Variants in SFT2D2 observed in about 807,000 individuals in gnomAD.
The protein encoded by SFT2D2 is SFT2 domain containing 2.
SFT2D2 carries 21 observed loss-of-function variants against 27.4 expected under a neutral mutation model. The observed-to-expected ratio is 0.77, with a 90% CI of 0.54 to 1.10. The LOEUF is 1.10. Among genes scored for constraint, SFT2D2 ranks in the 50% least tolerant of loss-of-function variants. SFT2D2 has a pLI of 0.00. For synonymous variants in SFT2D2, 72 were observed against 71.7 expected, an observed-to-expected ratio of 1.00 and a Z score of -0.02; for missense variants, 187 against 194.2, an observed-to-expected ratio of 0.96 and a Z score of 0.22.
chr1:168,227,682 C>T (rs1700475594), intron 1 of SFT2D2, among the ~76,000 whole-genome samples: 1 of 151,992 alleles, frequency 6.6e-6, no homozygotes, highest in African/African-American at 2.4e-5. Context: ...AACCTCAGAC[C>T]GGGCCTAAGA....
chr1:168,241,654 C>T (rs1328205533), intron 7 of SFT2D2, among the ~76,000 whole-genome samples: 3 of 152,136 alleles, frequency 2.0e-5, no homozygotes, highest in Admixed American at 6.5e-5. Flanking sequence ...TAGATCCTTC[C>T]ATATGCTATG....
In SFT2D2 at chr1:168,247,028, C is replaced by A. The variant is rs766554483; in HGVS notation, c.*4488C>A. 2 of 479,660 alleles carry A rather than the reference C, an allele frequency of 4.2e-6. No individual in the cohort carries two copies. Among genetic ancestry groups the A allele is most frequent in the African/African-American group, 4.1e-5 (2 of 49,236 alleles). 29.7% of individuals were successfully genotyped at this position (479,660 alleles called of 1,614,324 possible). A position where few individuals can be genotyped will look rare whatever the true frequency, so the allele number is the denominator to read the frequency against. On this transcript the variant is annotated 3_prime_UTR_variant, in exon 8 of 8. Transcript: ENST00000271375. Reference sequence around the variant, plus strand: ...CATGACTATCAGAAATCTCAAACTGCAGAGTTCTTGTTCCCATTCAAGTTT... The same window carrying A: ...CATGACTATCAGAAATCTCAAACTGAAGAGTTCTTGTTCCCATTCAAGTTT...
In SFT2D2 at chr1:168,247,107, AG is replaced by A. The variant is rs946036875; in HGVS notation, c.*4568del. On this transcript the variant is annotated 3_prime_UTR_variant, in exon 8 of 8. Coordinates refer to ENST00000271375, the MANE Select transcript of SFT2D2 (RefSeq NM_199344.3). ...CAGATAGTCTCTTTTGTAGTACACT[AG>A]TCTTTTTCATTTTTTAATTTTTACT... 3.2e-5 allele frequency: 10 copies of A among 311,882 alleles called. No individual in the cohort carries two copies. The highest frequency in any genetic ancestry group is 2.2e-4 in the African/African-American group (10 of 44,572). The allele number at this position is 311,882 out of a possible 1,614,324, so 19.3% of individuals were successfully genotyped here.
chr1:168,242,591 T>C lies in SFT2D2; in HGVS notation c.*51T>C, dbSNP rs757485311. 2 of 1,605,140 alleles carry C rather than the reference T, an allele frequency of 1.2e-6. No individual in the cohort carries two copies. Among genetic ancestry groups the C allele is most frequent in the Non-Finnish European group, 1.7e-6 (2 of 1,171,936 alleles). ...GGAAGGCACTATGGACAGAAGCTGG[T>C]GGACAGTTTTGTAACTATCTTCGAA... is the stretch of plus-strand genomic sequence containing the variant. On this transcript the variant is annotated 3_prime_UTR_variant, in exon 8 of 8. Coordinates refer to ENST00000271375, the MANE Select transcript of SFT2D2 (RefSeq NM_199344.3).
chr1:168,230,860 TC>T (rs1180890568), intron 1 of SFT2D2, among the ~76,000 whole-genome samples: 5 of 152,086 alleles, frequency 3.3e-5, no homozygotes, highest in Admixed American at 1.3e-4. Context: ...ACTCCTGGCT[TC>T]CCCTGAACTT....
At chr1:168,229,132 G>A (rs76294838) in intron 1 of SFT2D2, among the ~76,000 whole-genome samples, 4 of 152,146 alleles carry the variant, frequency 2.6e-5, no homozygotes, top group African/African-American at 9.7e-5. Context: ...TGGATATGGA[G>A]TGTCACTTTC....
At chr1:168,236,523 A>G (rs1647503689) in intron 4 of SFT2D2, 66 bp from the exon 5 acceptor site, 1 of 1,495,160 alleles carries the variant, frequency 6.7e-7, no homozygotes, top group African/African-American at 1.4e-5. Flanking sequence ...GAAGAATAAC[A>G]AGTTTTGAGT....
chr1:168,236,455 G>T, intron 4 of SFT2D2, 134 bp from the exon 5 acceptor site: 1 of 735,840 alleles, frequency 1.4e-6, no homozygotes, highest in Non-Finnish European at 2.2e-6. Context: ...GCCAAATATG[G>T]GTGCTCAGGT....
chr1:168,242,786 C>G lies in SFT2D2; in HGVS notation c.*246C>G. 1 of 517,662 alleles carries G rather than the reference C, an allele frequency of 1.9e-6. No individual in the cohort carries two copies. Among genetic ancestry groups the G allele is most frequent in the Non-Finnish European group, 3.5e-6 (1 of 284,748 alleles). 32.1% of individuals were successfully genotyped at this position (517,662 alleles called of 1,614,324 possible). Reference sequence around the variant, plus strand: ...TGTGGAGTGGAATCTTCCTCATGTACCTGTTTCCTCTCTGGATGTTGTCCC... The same window carrying G: ...TGTGGAGTGGAATCTTCCTCATGTAGCTGTTTCCTCTCTGGATGTTGTCCC... On this transcript the variant is annotated 3_prime_UTR_variant, in exon 8 of 8. Transcript: ENST00000271375.
chr1:168,249,099 G>C lies in SFT2D2; in HGVS notation c.*6559G>C, dbSNP rs1238467462. 2 of 151,678 alleles carry C rather than the reference G, an allele frequency of 1.3e-5. No homozygotes were observed. The highest frequency in any genetic ancestry group is 4.8e-5 in the African/African-American group (2 of 41,274). The allele number at this position is 151,678 out of a possible 1,614,324, so 9.4% of individuals were successfully genotyped here. On this transcript the variant is annotated 3_prime_UTR_variant, in exon 8 of 8. Transcript: ENST00000271375. The stretch of plus-strand genomic sequence containing the variant: ...CTCCTTCAGTCCTGCTCTAATCTTA[G>C]TTATTTCTTGTCTTCTGCTAGCTTT...
In SFT2D2 at chr1:168,252,410, T is replaced by C. The variant is rs200306695; in HGVS notation, c.*9870T>C. The C allele has an allele frequency of 6.6e-6, 1 of 152,268 alleles. No homozygotes were observed. Among genetic ancestry groups the C allele is most frequent in the East Asian group, 1.9e-4 (1 of 5,206 alleles). 9.4% of individuals were successfully genotyped at this position (152,268 alleles called of 1,614,324 possible). A position where few individuals can be genotyped will look rare whatever the true frequency, so the allele number is the denominator to read the frequency against. ...CTGGTATTTGGGTGAATGTTGTTGC[T>C]CTGTGCCTGTTGAATGTCCATGCTA... On this transcript the variant is annotated 3_prime_UTR_variant, in exon 8 of 8. Coordinates refer to ENST00000271375, the MANE Select transcript of SFT2D2 (RefSeq NM_199344.3).
At position 168,245,676 on chromosome 1, in the gene SFT2D2, A is replaced by G. The variant is rs371167382; in HGVS notation, c.*3136A>G. 5.3e-5 allele frequency: 8 copies of G among 151,636 alleles called. 1 individual carries two copies. The South Asian group carries it at 1.7e-3, about 32-fold the overall frequency. 9.4% of individuals were successfully genotyped at this position (151,636 alleles called of 1,614,324 possible). A position where few individuals can be genotyped will look rare whatever the true frequency, so the allele number is the denominator to read the frequency against. On this transcript the variant is annotated 3_prime_UTR_variant, in exon 8 of 8. Transcript: ENST00000271375. ...TCCTGCTGTGCAGCTGGTTCCTAAC[A>G]GGTCATGGACCTGTCCATGGCCTGT... is the stretch of plus-strand genomic sequence containing the variant.
chr1:168,236,389 T>C (rs141191298), intron 4 of SFT2D2, among the ~76,000 whole-genome samples, 200 bp from the exon 5 acceptor site: 307 of 152,374 alleles, frequency 2.0e-3, no homozygotes, highest in Middle Eastern at 0.014. Context: ...AAGAACATCT[T>C]ATCTATGTGA....
intron 1 of SFT2D2, among the ~76,000 whole-genome samples, chr1:168,226,569 C>T (rs1700461200): frequency 6.6e-6 from 1 of 151,708 alleles, no homozygotes; most frequent in Non-Finnish European, 1.5e-5. Context: ...GTGGCGGTCC[C>T]TACCTCGCGA....
rs914654386 is a variant in SFT2D2 at position 168,250,219 on chromosome 1, G to A, written c.*7679G>A. 3 of 152,126 alleles carry A rather than the reference G, an allele frequency of 2.0e-5. No homozygotes were observed. Among genetic ancestry groups the A allele is most frequent in the South Asian group, 2.1e-4 (1 of 4,828 alleles). 9.4% of individuals were successfully genotyped at this position (152,126 alleles called of 1,614,324 possible). A position where few individuals can be genotyped will look rare whatever the true frequency, so the allele number is the denominator to read the frequency against. Reference sequence around the variant, plus strand: ...ACCCTGCCTCCCAGGGTCTTCCTGCGTTTTTCCTTAAGTTGCCTTATTCTT... The same window carrying A: ...ACCCTGCCTCCCAGGGTCTTCCTGCATTTTTCCTTAAGTTGCCTTATTCTT... On this transcript the variant is annotated 3_prime_UTR_variant, in exon 8 of 8. Transcript: ENST00000271375.
At chr1:168,239,578 T>C (rs2102332642) in intron 7 of SFT2D2, among the ~76,000 whole-genome samples, 1 of 151,960 alleles carries the variant, frequency 6.6e-6, no homozygotes, top group East Asian at 1.9e-4. Flanking sequence ...CACAAGAGTT[T>C]ATAAAGGGAG....
intron 3 of SFT2D2, among the ~76,000 whole-genome samples, chr1:168,232,219 TCTTA>T (rs1400441704): frequency 6.6e-6 from 1 of 152,160 alleles, no homozygotes; most frequent in Non-Finnish European, 1.5e-5. Flanking sequence ...CTTGCTGTAT[TCTTA>T]CTGCTGTCAG....
intron 7 of SFT2D2, among the ~76,000 whole-genome samples, chr1:168,240,394 C>A (rs1037351541): frequency 2.0e-5 from 3 of 152,086 alleles, no homozygotes; most frequent in African/African-American, 7.2e-5. Context: ...TTATGAAATA[C>A]TCCATGCAGA....
At chr1:168,237,599 C>T (rs1361629796) in intron 6 of SFT2D2, among the ~76,000 whole-genome samples, 2 of 152,148 alleles carry the variant, frequency 1.3e-5, no homozygotes, top group Non-Finnish European at 2.9e-5. Flanking sequence ...AAAATGTTTG[C>T]TACAGTGTAA....
Sources: allele counts gnomAD v4.1 joint callset (sites outside exome capture counted in the v4.1 genomes callset), GRCh38; gene constraint gnomAD v4.1.1; transcripts MANE v1.5; gene names NCBI Gene and HGNC (gene_info 2026-07-23, HGNC 2026-07-21).